FMO5: variants seen among roughly 807,000 people sequenced by gnomAD.
The protein encoded by FMO5 is flavin containing dimethylaniline monoxygenase 5, also known as flavin-containing monooxygenase 5.
In FMO5, 51 loss-of-function variants were observed where a neutral mutation model predicts 43.6. The observed-to-expected ratio is 1.17, with a 90% CI of 0.93 to 1.48. FMO5 has a LOEUF of 1.48. Among genes scored for constraint, FMO5 ranks in the 40% most tolerant of loss-of-function variants. The pLI is 0.00. For synonymous variants in FMO5, 187 were observed against 216.5 expected (o/e 0.86, Z 1.20); for missense variants, 644 against 643.0 (o/e 1.00, Z -0.02).
intron 7 of FMO5, among the ~76,000 whole-genome samples, chr1:147,194,608 G>A (rs940541925): frequency 5.9e-5 from 9 of 152,142 alleles, no homozygotes; most frequent in Non-Finnish European, 1.2e-4. Context: ...AGCCTTGACA[G>A]TCTTTACATT....
At chr1:147,191,124 A>C (rs1349950630) in intron 7 of FMO5, among the ~76,000 whole-genome samples, 7 of 152,166 alleles carry the variant, frequency 4.6e-5, no homozygotes, top group African/African-American at 1.7e-4. Flanking sequence ...TGCTATTGTG[A>C]ATAGTGCCGC....
At chr1:147,184,922 AT>A (rs1185537827), downstream of FMO5, among the ~76,000 whole-genome samples, 2 of 152,036 alleles carry the variant, frequency 1.3e-5, no homozygotes, top group Non-Finnish European at 2.9e-5. The surrounding 1 kb of genome is among the most constrained non-coding windows in gnomAD (Gnocchi z 4.4). Context: ...TTCATGGGAG[AT>A]TCATCTATTC....
At chr1:147,204,898 G>T (rs1659698628) in intron 6 of FMO5, 2 of 1,582,674 alleles carry the variant, frequency 1.3e-6, no homozygotes, top group East Asian at 2.2e-5. Context: ...GAGCATCTGG[G>T]CGAAGCCCGG....
intron 7 of FMO5, among the ~76,000 whole-genome samples, chr1:147,192,543 ACT>A (rs1657081956): frequency 6.6e-6 from 1 of 151,718 alleles, no homozygotes; most frequent in Admixed American, 6.6e-5. Context: ...AATATCCAAC[ACT>A]CTGTTGAATA....
At chr1:147,204,228 C>T (rs1175558138) in intron 6 of FMO5, 4 of 1,366,470 alleles carry the variant, frequency 2.9e-6, no homozygotes, top group Non-Finnish European at 4.2e-6. Context: ...ATTTTTGCAT[C>T]TTTGACAGAT....
At chr1:147,204,532 A>G in intron 6 of FMO5, 3 of 1,574,574 alleles carry the variant, frequency 1.9e-6, no homozygotes, top group Non-Finnish European at 1.7e-6. Context: ...TCTGCAAGCT[A>G]TTTCATAACC....
At chr1:147,210,385 A>G (rs911656944) in intron 5 of FMO5, 6 of 152,250 alleles carry the variant, frequency 3.9e-5, no homozygotes, top group Admixed American at 6.5e-5. Context: ...TTCCTACACT[A>G]TGAAACTCTC....
upstream of FMO5, among the ~76,000 whole-genome samples, chr1:147,226,659 A>G (rs72710311): frequency 0.088 from 13,417 of 152,064 alleles, 667 homozygotes; most frequent in East Asian, 0.16. Context: ...CATGCCTTGG[A>G]TCCTTGCTCT....
rs587682197 is a variant in FMO5 at position 147,212,500 on chromosome 1, G to C, written c.523C>G (p.Arg175Gly). The stretch of plus-strand genomic sequence containing the variant: ...AATCCCTCTGGGTTCTTATAGTCTC[G>C]ACTGTGGAAGTACTGCCCTTTGAAC... ...EKFKGQYFHS[R>G]DYKNPEGFTG... is the part of the protein sequence containing the mutation. Residue 175 changes from arginine to glycine, a missense_variant, in exon 5 of 9, where the codon CGA becomes GGA. Arg to Gly is a moderately radical substitution (Grantham distance 125, BLOSUM62 -2). Transcript: ENST00000254090. The C allele has an allele frequency of 1.9e-6, 3 of 1,613,654 alleles. No homozygotes were observed. The East Asian group carries it at 6.7e-5, about 36-fold the overall frequency.
At chr1:147,210,229 TTTGA>T (rs782108727) in intron 5 of FMO5, 4 of 152,172 alleles carry the variant, frequency 2.6e-5, no homozygotes, top group Non-Finnish European at 5.9e-5. Flanking sequence ...TTAAGAAATG[TTTGA>T]TTGATTATTT....
At chr1:147,197,540 T>C (rs1410656213) in intron 7 of FMO5, among the ~76,000 whole-genome samples, 1 of 152,080 alleles carries the variant, frequency 6.6e-6, no homozygotes, top group Non-Finnish European at 1.5e-5. Context: ...CTCATACTGC[T>C]CATGCTGTTC....
At chr1:147,197,315 T>C (rs718369) in intron 7 of FMO5, among the ~76,000 whole-genome samples, 48,945 of 152,036 alleles carry the variant, frequency 0.32, 8,256 homozygotes, top group African/African-American at 0.43. Flanking sequence ...ACTGCTCTCA[T>C]GGCAGCTCTT....
At chr1:147,222,048 G>T (rs1285933175) in intron 2 of FMO5, among the ~76,000 whole-genome samples, 1 of 152,134 alleles carries the variant, frequency 6.6e-6, no homozygotes, top group South Asian at 2.1e-4. Context: ...TAGGCACAAG[G>T]CTCACACATT....
At chr1:147,217,903 C>T (rs892711565) in intron 2 of FMO5, among the ~76,000 whole-genome samples, 3 of 152,172 alleles carry the variant, frequency 2.0e-5, no homozygotes, top group Non-Finnish European at 4.4e-5. Flanking sequence ...GAATTGTACT[C>T]ATGGTTTTCC....
At chr1:147,192,728 T>C (rs1302259032) in intron 7 of FMO5, among the ~76,000 whole-genome samples, 1 of 152,180 alleles carries the variant, frequency 6.6e-6, no homozygotes, top group African/African-American at 2.4e-5. Context: ...TGAAGTGTTG[T>C]TGAATTCTGT....
chr1:147,208,070 T>C (rs1396907203), intron 6 of FMO5, among the ~76,000 whole-genome samples: 3 of 152,200 alleles, frequency 2.0e-5, no homozygotes, highest in Non-Finnish European at 4.4e-5. Flanking sequence ...TATAGGGCTA[T>C]TGTCAGGATT....
chr1:147,225,178 C>G, intron 1 of FMO5, 109 bp downstream of exon 1: 2 of 1,485,886 alleles, frequency 1.3e-6, no homozygotes, highest in Non-Finnish European at 1.8e-6. Flanking sequence ...TTGAGGAGGA[C>G]AGATTCGACG....
At chr1:147,214,089 C>A (rs28381182) in intron 3 of FMO5, among the ~76,000 whole-genome samples, 1 of 152,246 alleles carries the variant, frequency 6.6e-6, no homozygotes, top group African/African-American at 2.4e-5. Context: ...ATGGGTTACC[C>A]TACTTAGGTT....
At chr1:147,190,695 T>C (rs1370663473) in intron 7 of FMO5, among the ~76,000 whole-genome samples, 1 of 152,140 alleles carries the variant, frequency 6.6e-6, no homozygotes, top group African/African-American at 2.4e-5. Flanking sequence ...TTGTTTTTAT[T>C]ATTATACCTT....
Sources: allele counts gnomAD v4.1 joint callset (sites outside exome capture counted in the v4.1 genomes callset), GRCh38; gene constraint gnomAD v4.1.1; non-coding constraint Gnocchi (gnomAD v3.1); transcripts MANE v1.5; gene names NCBI Gene and HGNC (gene_info 2026-07-23, HGNC 2026-07-21).